The following MFN1 variants were observed in gnomAD, a reference collection of about 807,000 sequenced individuals.
MFN1 encodes mitofusin 1.
Under a neutral mutation model 92.4 loss-of-function variants are expected in MFN1, and 65 were observed. The ratio of observed to expected loss-of-function variants is 0.70; its 90% CI spans 0.58 to 0.86. The LOEUF (loss-of-function observed/expected upper bound fraction) is 0.86, where lower values mean the gene tolerates loss of function less well. MFN1 is among the 40% of genes least tolerant of loss of function. The pLI is 0.00. For synonymous variants in MFN1, 297 were observed against 300.9 expected (o/e 0.99, Z 0.13); for missense variants, 781 against 868.0 (o/e 0.90, Z 1.26).
At chr3:179,355,142 G>A (rs1322976470) in intron 3 of MFN1, among the ~76,000 whole-genome samples, 1 of 152,054 alleles carries the variant, frequency 6.6e-6, no homozygotes, top group Non-Finnish European at 1.5e-5. Context: ...TCTGGATGTT[G>A]CCATGGCATC....
intron 14 of MFN1, among the ~76,000 whole-genome samples, chr3:179,382,880 G>A (rs1049822352): frequency 4.6e-5 from 7 of 152,188 alleles, no homozygotes; most frequent in Non-Finnish European, 8.8e-5. Flanking sequence ...CTTTTGAGAA[G>A]TGTCTGTTCA....
chr3:179,372,898 T>C (rs1288109464), intron 9 of MFN1, among the ~76,000 whole-genome samples: 1 of 152,234 alleles, frequency 6.6e-6, no homozygotes, highest in Non-Finnish European at 1.5e-5. Context: ...ATAAAGTCAA[T>C]GCATTATTTT....
chr3:179,367,732 G>T lies in MFN1; in HGVS notation c.907+140G>T, dbSNP rs1056584783. The T allele has an allele frequency of 4.3e-4, 260 of 610,058 alleles. 1 individual carries two copies. The highest frequency in any genetic ancestry group is 1.9e-3 in the Admixed American group (51 of 26,944). 37.8% of individuals were successfully genotyped at this position (610,058 alleles called of 1,614,324 possible). ...GAGGTCAGGAGTTTGAGACCAGCCT[G>T]GCCAACATGGTGAAACCCCATCTCT... is the stretch of plus-strand genomic sequence containing the variant. On this transcript the variant is annotated intron_variant, in intron 8 of 17. Coordinates refer to ENST00000471841, the MANE Select transcript of MFN1 (RefSeq NM_033540.3).
chr3:179,377,791 G>A (rs1335315070), intron 12 of MFN1, among the ~76,000 whole-genome samples: 1 of 152,116 alleles, frequency 6.6e-6, no homozygotes, highest in Non-Finnish European at 1.5e-5. Context: ...TAGGCTGGTT[G>A]CGGTGGCTCC....
chr3:179,394,791 G>T lies in MFN1; in HGVS notation c.*2732G>T, dbSNP rs906172756. ...AATTATACAGGAATTATGTAATTAT[G>T]AGTGATGTACTTCAAAGTTATTGCA... On this transcript the variant is annotated 3_prime_UTR_variant, in exon 18 of 18. Coordinates refer to ENST00000471841, the MANE Select transcript of MFN1 (RefSeq NM_033540.3). 1 of 152,200 alleles carries T rather than the reference G, an allele frequency of 6.6e-6. No homozygotes were observed. The highest frequency in any genetic ancestry group is 1.5e-5 in the Non-Finnish European group (1 of 68,042). The allele number at this position is 152,200 out of a possible 1,614,324, so 9.4% of individuals were successfully genotyped here. A position where few individuals can be genotyped will look rare whatever the true frequency, so the allele number is the denominator to read the frequency against.
At chr3:179,367,774 TTA>T (rs1008232996) in intron 8 of MFN1, among the ~76,000 whole-genome samples, 182 bp downstream of exon 8, 1 of 149,334 alleles carries the variant, frequency 6.7e-6, no homozygotes, top group African/African-American at 2.5e-5. Flanking sequence ...AATACAAAAA[TTA>T]GCTGGGCATG....
intron 14 of MFN1, among the ~76,000 whole-genome samples, chr3:179,381,296 C>G (rs1238129452): frequency 6.6e-6 from 1 of 152,176 alleles, no homozygotes; most frequent in Non-Finnish European, 1.5e-5. Context: ...TTTAAAAGGC[C>G]ATTCAGCACA....
In MFN1 at chr3:179,377,346, T is replaced by G. The variant is rs1379741618; in HGVS notation, c.1227T>G (p.Val409=). 6.3e-7 allele frequency: 1 copy of G among 1,596,684 alleles called. No homozygotes were observed. The highest frequency in any genetic ancestry group is 8.5e-7 in the Non-Finnish European group (1 of 1,173,766). Residue 409 remains valine (V), a splice_region_variant and synonymous_variant, in exon 12 of 18, where the codon GTT becomes GTG. Transcript: ENST00000471841. ...KEVTEEVANK[V]SCAMTDEICR... Reference sequence around the variant, plus strand: ...CTCCAAAATTTTCATATTTTCAGGTTTCATGTGCAATGACAGATGAAATTT... The same window carrying G: ...CTCCAAAATTTTCATATTTTCAGGTGTCATGTGCAATGACAGATGAAATTT...
chr3:179,391,884 TTTA>T (rs1577019217), intron 17 of MFN1, 94 bp from the exon 18 acceptor site: 1 of 734,852 alleles, frequency 1.4e-6, no homozygotes. Context: ...CTCTTCATTG[TTTA>T]TTATTAAAGT....
chr3:179,378,784 GCTCCTAGGATTA>G lies in MFN1; in HGVS notation c.1633_1644del (p.Leu545_Leu548del). On this transcript the variant is annotated inframe_deletion, in exon 14 of 18. Coordinates refer to ENST00000471841, the MANE Select transcript of MFN1 (RefSeq NM_033540.3). The stretch of plus-strand genomic sequence containing the variant: ...TGGGCCCTAGAAATGCTCAAAGGGT[GCTCCTAGGATTA>G]TCAGAGCCTATCTTTCAGGTATGTA... 1.9e-6 allele frequency: 3 copies of G among 1,613,552 alleles called. No individual in the cohort carries two copies. The highest frequency in any genetic ancestry group is 1.3e-5 in the African/African-American group (1 of 75,010).
At chr3:179,375,160 A>C in intron 9 of MFN1, 60 bp from the exon 10 acceptor site, 1 of 1,475,356 alleles carries the variant, frequency 6.8e-7, no homozygotes, top group Non-Finnish European at 9.0e-7. Context: ...TTTGTGTTTA[A>C]ATTCCTGAAA....
intron 14 of MFN1, among the ~76,000 whole-genome samples, chr3:179,380,173 G>T (rs1255397226): frequency 6.6e-6 from 1 of 152,204 alleles, no homozygotes; most frequent in Non-Finnish European, 1.5e-5. Context: ...AAACAGCAGA[G>T]AAATTCATTG....
At chr3:179,358,668 A>G (rs1319527635) in intron 3 of MFN1, among the ~76,000 whole-genome samples, 172 bp from the exon 4 acceptor site, 1 of 152,170 alleles carries the variant, frequency 6.6e-6, no homozygotes, top group Non-Finnish European at 1.5e-5. Flanking sequence ...TTTTTTCTGA[A>G]ATGTACATTG....
intron 7 of MFN1, among the ~76,000 whole-genome samples, chr3:179,367,116 C>T (rs1309275808): frequency 2.6e-5 from 4 of 152,180 alleles, no homozygotes; most frequent in South Asian, 4.1e-4. Flanking sequence ...TTAATAAAGA[C>T]GAGGTTTCAC....
At chr3:179,353,398 G>A (rs974832067) in intron 3 of MFN1, among the ~76,000 whole-genome samples, 4 of 150,608 alleles carry the variant, frequency 2.7e-5, no homozygotes, top group Non-Finnish European at 4.4e-5. Context: ...ATTAGAGATA[G>A]GGTTTCACCA....
intron 4 of MFN1, among the ~76,000 whole-genome samples, chr3:179,361,665 T>G (rs926627238): frequency 6.6e-6 from 1 of 151,792 alleles, no homozygotes; most frequent in South Asian, 2.1e-4. Context: ...GCCTCCCGAG[T>G]AGCTGAAATT....
At chr3:179,385,803 G>A in intron 15 of MFN1, 82 bp downstream of exon 15, 1 of 1,289,650 alleles carries the variant, frequency 7.8e-7, no homozygotes, top group African/African-American at 1.5e-5. Flanking sequence ...AAGGTATACA[G>A]TATTTACTTC....
intron 10 of MFN1, among the ~76,000 whole-genome samples, chr3:179,376,628 C>G (rs9871718): frequency 4.9e-4 from 75 of 152,208 alleles, no homozygotes; most frequent in African/African-American, 1.8e-3. Flanking sequence ...GCAAAAGCAG[C>G]CATAGATAGA....
intron 4 of MFN1, among the ~76,000 whole-genome samples, chr3:179,361,142 T>G (rs1712559447): frequency 6.6e-6 from 1 of 152,192 alleles, no homozygotes; most frequent in African/African-American, 2.4e-5. Flanking sequence ...AATCAAGCTT[T>G]TAATTCATAT....
Sources: gnomAD v4.1 joint callset for allele counts (sites outside exome capture counted in the v4.1 genomes callset) on GRCh38, gnomAD v4.1.1 for gene constraint, MANE v1.5 for transcripts, NCBI Gene and HGNC (gene_info 2026-07-23, HGNC 2026-07-21) for gene names.